The following SLC8A1 variants were observed in gnomAD, a reference collection of about 807,000 sequenced individuals.
The protein encoded by SLC8A1 is solute carrier family 8 member A1.
SLC8A1 carries 18 observed loss-of-function variants against 68.3 expected under a neutral mutation model. The observed-to-expected ratio is 0.26, with a 90% CI of 0.18 to 0.39. The LOEUF is 0.39. SLC8A1 is among the 10% of genes least tolerant of loss of function. The pLI is 1.00. For synonymous variants in SLC8A1, 475 were observed against 415.5 expected (o/e 1.14, Z -1.74); for missense variants, 985 against 1,156.7 (o/e 0.85, Z 2.15).
At chr2:40,375,281 T>A (rs1306806185) in intron 2 of SLC8A1, among the ~76,000 whole-genome samples, 1 of 152,068 alleles carries the variant, frequency 6.6e-6, no homozygotes, top group East Asian at 1.9e-4. Context: ...TTTGATGAAT[T>A]CAAGACAGAA....
At chr2:40,432,049 AG>A (rs1698434647) in intron 1 of SLC8A1, among the ~76,000 whole-genome samples, 1 of 152,150 alleles carries the variant, frequency 6.6e-6, no homozygotes, top group Non-Finnish European at 1.5e-5. Flanking sequence ...AATATGCAAA[AG>A]TTCTGGTCAG....
At chr2:40,165,029 A>T in intron 4 of SLC8A1, 45 bp from the exon 8 acceptor site, 1 of 1,610,176 alleles carries the variant, frequency 6.2e-7, no homozygotes, top group Non-Finnish European at 8.5e-7. Context: ...GTTCTGTTTA[A>T]TTTGGAAATC....
chr2:40,474,131 T>C (rs925773664), intron 1 of SLC8A1, among the ~76,000 whole-genome samples: 1 of 152,206 alleles, frequency 6.6e-6, no homozygotes, highest in African/African-American at 2.4e-5. Context: ...AGACTGGCTT[T>C]CATTGACTCT....
intron 1 of SLC8A1, among the ~76,000 whole-genome samples, chr2:40,464,943 G>A (rs1703571111): frequency 1.3e-5 from 2 of 152,082 alleles, no homozygotes; most frequent in Non-Finnish European, 2.9e-5. Flanking sequence ...TGAAGGAGCT[G>A]CAACCTTGCC....
intron 2 of SLC8A1, among the ~76,000 whole-genome samples, chr2:40,221,317 A>G (rs2058301442): frequency 6.6e-6 from 1 of 152,144 alleles, no homozygotes; most frequent in Non-Finnish European, 1.5e-5. Flanking sequence ...AAAGGCCTTC[A>G]GTAAAATTCA....
rs368483768 is a variant in SLC8A1 at position 40,396,748 on chromosome 2, T to TAA, written c.1808+31723_1808+31724dup. Among the ~76,000 whole-genome samples, 454 of 86,932 alleles carry TAA rather than the reference T, an allele frequency of 5.2e-3. 26 individuals carry two copies. Among genetic ancestry groups the TAA allele is most frequent in the African/African-American group, 0.019 (304 of 16,030 alleles). 57.0% of individuals were successfully genotyped at this position (86,932 alleles called of 152,430 possible). On this transcript the variant is annotated intron_variant, in intron 2 of 7. Transcript: ENST00000406785. ...TTTAACCTCCATCATCTCTAATAAC[T>TAA]AAAAAAAAAAAAAAAAAAAAAAAAA...
chr2:40,241,119 T>C (rs569855115), intron 2 of SLC8A1, among the ~76,000 whole-genome samples: 1 of 152,150 alleles, frequency 6.6e-6, no homozygotes, highest in South Asian at 2.1e-4. Context: ...CAACAGTGGA[T>C]TGGATAAAGC....
chr2:40,506,072 G>A (rs1394446819), intron 1 of SLC8A1, among the ~76,000 whole-genome samples: 1 of 149,898 alleles, frequency 6.7e-6, no homozygotes, highest in Non-Finnish European at 1.5e-5. Context: ...CACCTGAGAT[G>A]GAGACACATT....
chr2:40,195,126 A>G (rs1362406558), intron 2 of SLC8A1, among the ~76,000 whole-genome samples: 3 of 152,108 alleles, frequency 2.0e-5, no homozygotes, highest in African/African-American at 4.8e-5. Flanking sequence ...TTTAGGATGA[A>G]CTGAAGTCTT....
chr2:40,242,005 A>G (rs2061287289), intron 2 of SLC8A1, among the ~76,000 whole-genome samples: 1 of 152,110 alleles, frequency 6.6e-6, no homozygotes, highest in Non-Finnish European at 1.5e-5. Flanking sequence ...TCTATTTCCT[A>G]TAGTTTGCTA....
chr2:40,378,379 A>G lies in SLC8A1; in HGVS notation c.1808+50094T>C, dbSNP rs375484783. Among the ~76,000 whole-genome samples, 6 of 152,252 alleles carry G rather than the reference A, an allele frequency of 3.9e-5. No individual in the cohort carries two copies. In the East Asian group the frequency reaches 9.7e-4, roughly 25 times the overall value. On this transcript the variant is annotated intron_variant, in intron 2 of 7. Transcript: ENST00000406785. ...AGAAGGATGAAGAAATGCAAAGGTT[A>G]TGTGTGAGTAGAAACCTTGGAGTAC...
At chr2:40,455,973 CTT>C (rs1045726829), upstream of SLC8A1, among the ~76,000 whole-genome samples, 5 of 149,340 alleles carry the variant, frequency 3.3e-5, no homozygotes, top group Non-Finnish European at 7.4e-5. Flanking sequence ...TTGTCACAGT[CTT>C]TGGACATCAG....
chr2:40,378,166 A>T (rs1680541823), intron 2 of SLC8A1, among the ~76,000 whole-genome samples: 1 of 152,056 alleles, frequency 6.6e-6, no homozygotes, highest in South Asian at 2.1e-4. Flanking sequence ...AATAAGAAAA[A>T]CCACTGAAAT....
At chr2:40,357,907 A>C (rs1673232975) in intron 2 of SLC8A1, among the ~76,000 whole-genome samples, 1 of 152,086 alleles carries the variant, frequency 6.6e-6, no homozygotes, top group African/African-American at 2.4e-5. Context: ...CTAGGAAGAC[A>C]GATCATTGTT....
At chr2:40,236,969 C>T (rs904650597) in intron 2 of SLC8A1, among the ~76,000 whole-genome samples, 29 of 152,188 alleles carry the variant, frequency 1.9e-4, no homozygotes, top group Admixed American at 9.2e-4. Context: ...CCGAGAGATC[C>T]GCTGTTAGTC....
chr2:40,374,192 C>T (rs966704944), intron 2 of SLC8A1, among the ~76,000 whole-genome samples: 1 of 151,970 alleles, frequency 6.6e-6, no homozygotes, highest in East Asian at 1.9e-4. Flanking sequence ...ACTTTGTGCT[C>T]AGGTGAACAG....
At chr2:40,125,313 G>C (rs542207606) in intron 7 of SLC8A1, among the ~76,000 whole-genome samples, 23 of 152,314 alleles carry the variant, frequency 1.5e-4, no homozygotes, top group Non-Finnish European at 2.4e-4. Flanking sequence ...AATAGAAGAA[G>C]AGGAGATAGC....
rs545224507 is a variant in SLC8A1, at chr2:40,255,892, G to T, written c.1809-78037C>A. ...CTTCCACTAAAAAGATGGAAGGAAA[G>T]ACTACGTCTGGTGTTCTCTGGCACC... On this transcript the variant is annotated intron_variant, in intron 2 of 7. Transcript: ENST00000406785. Among the ~76,000 whole-genome samples, 5 of 152,274 alleles carry T rather than the reference G, an allele frequency of 3.3e-5. No individual in the cohort carries two copies. In the East Asian group the frequency reaches 9.7e-4, roughly 29 times the overall value.
At chr2:40,298,796 T>C (rs538723371) in intron 2 of SLC8A1, among the ~76,000 whole-genome samples, 2,215 of 152,306 alleles carry the variant, frequency 0.015, 61 homozygotes, top group African/African-American at 0.051. Flanking sequence ...CAGTAACTAA[T>C]GATGGTGAAA....
Sources: allele counts gnomAD v4.1 joint callset (sites outside exome capture counted in the v4.1 genomes callset), GRCh38; gene constraint gnomAD v4.1.1; transcripts MANE v1.5; gene names NCBI Gene and HGNC (gene_info 2026-07-23, HGNC 2026-07-21).